The following BRIP1 variants were observed in gnomAD, a reference collection of about 807,000 sequenced individuals.
The protein encoded by BRIP1 is BRCA1 interacting DNA helicase 1, also known as Fanconi anemia group J protein.
Under a neutral mutation model 119.7 loss-of-function variants are expected in BRIP1, and 88 were observed. The observed-to-expected ratio is 0.74, with a 90% CI of 0.62 to 0.88. The LOEUF (loss-of-function observed/expected upper bound fraction) is 0.88. Ranked by LOEUF, BRIP1 falls within the 40% of genes least tolerant of loss-of-function variation. BRIP1 has a pLI of 0.00. For missense variants in BRIP1, 1,259 were observed against 1,455.4 expected, an observed-to-expected ratio of 0.87 and a Z score of 2.20; for synonymous variants, 443 against 496.5, an observed-to-expected ratio of 0.89 and a Z score of 1.43.
rs918105114 is a variant in BRIP1, at chr17:61,852,439, C to T, written c.380-3183G>A. 4.6e-5 allele frequency among the ~76,000 whole-genome samples: 7 copies of T among 151,892 alleles called. No homozygotes were observed. The highest frequency in any genetic ancestry group is 1.5e-4 in the African/African-American group (6 of 41,340). On this transcript the variant is annotated intron_variant, in intron 4 of 19. Coordinates refer to ENST00000259008, the MANE Select transcript of BRIP1 (RefSeq NM_032043.3). The surrounding 1 kb of genome is among the most constrained non-coding windows in gnomAD (Gnocchi z 4.9). ...ATTCAAGCACTTTGGGAGGCTGAGG[C>T]GAGTGATCATTTGAGGTCAGGAGTT... is the stretch of plus-strand genomic sequence containing the variant.
intron 13 of BRIP1, among the ~76,000 whole-genome samples, chr17:61,779,208 T>C (rs2077576986): frequency 6.6e-6 from 1 of 152,182 alleles, no homozygotes; most frequent in African/African-American, 2.4e-5. Context: ...GCTATTAATC[T>C]AGGCACAGAG....
chr17:61,717,433 G>C lies in BRIP1; in HGVS notation c.2380-1370C>G, dbSNP rs1298299421. Among the ~76,000 whole-genome samples the C allele has an allele frequency of 6.6e-6, 1 of 151,984 alleles. No individual in the cohort carries two copies. The highest frequency in any genetic ancestry group is 1.9e-4 in the East Asian group (1 of 5,198). On this transcript the variant is annotated intron_variant, in intron 16 of 19. Transcript: ENST00000259008. The surrounding 1 kb of genome is among the most constrained non-coding windows in gnomAD (Gnocchi z 4.1). ...AGTAGTGCACGTTTGCTAGCAATGAGTTCTTTCAACTTTTCTTTTTCTGAA... is the reference window on the plus strand; with the variant it reads ...AGTAGTGCACGTTTGCTAGCAATGACTTCTTTCAACTTTTCTTTTTCTGAA...
In BRIP1 at chr17:61,857,558, T is replaced by C. The variant is rs552015671; in HGVS notation, c.206-327A>G. ...GGCCAATATGGTAAAACCCTGTCTCTACTAAAAATACAAAAATTAGCCAGG... is the reference window on the plus strand; with the variant it reads ...GGCCAATATGGTAAAACCCTGTCTCCACTAAAAATACAAAAATTAGCCAGG... On this transcript the variant is annotated intron_variant, in intron 3 of 19. Coordinates refer to ENST00000259008, the MANE Select transcript of BRIP1 (RefSeq NM_032043.3). The surrounding 1 kb of genome is among the most constrained non-coding windows in gnomAD (Gnocchi z 5.1). 2.1e-4 allele frequency among the ~76,000 whole-genome samples: 32 copies of C among 152,260 alleles called. No individual in the cohort carries two copies. Among genetic ancestry groups the C allele is most frequent in the African/African-American group, 6.7e-4 (28 of 41,546 alleles).
rs1269723272 is a variant in BRIP1 at position 61,710,931 on chromosome 17, C to T, written c.2492+5020G>A. Reference sequence around the variant, plus strand: ...TAGTGCGTGCCTGTAATCTCAGCTACTCAAGAGGTTGAGGCAGGAGAATCG... The same window carrying T: ...TAGTGCGTGCCTGTAATCTCAGCTATTCAAGAGGTTGAGGCAGGAGAATCG... On this transcript the variant is annotated intron_variant, in intron 17 of 19. Transcript: ENST00000259008. The surrounding 1 kb of genome is among the most constrained non-coding windows in gnomAD (Gnocchi z 5.4). Among the ~76,000 whole-genome samples, 1 of 151,084 alleles carries T rather than the reference C, an allele frequency of 6.6e-6. No individual in the cohort carries two copies. The highest frequency in any genetic ancestry group is 1.5e-5 in the Non-Finnish European group (1 of 67,854).
At position 61,780,249 on chromosome 17, in the gene BRIP1, A is replaced by AT. The variant is rs2077593455; in HGVS notation, c.1935+11_1935+12insA. Reference sequence around the variant, plus strand: ...CACTGAAGGCCTTCCAAAAAAAAAAACAACAACTAACCTGTGAATTTTTAA... The same window carrying AT: ...CACTGAAGGCCTTCCAAAAAAAAAAATCAACAACTAACCTGTGAATTTTTAA... On this transcript the variant is annotated intron_variant, in intron 13 of 19. Transcript: ENST00000259008. This position sits in a 1 kb window ranked among gnomAD's most constrained non-coding sequence, Gnocchi z 5.4. 6.2e-7 allele frequency: 1 copy of AT among 1,609,706 alleles called. No individual in the cohort carries two copies. The highest frequency in any genetic ancestry group is 8.5e-7 in the Non-Finnish European group (1 of 1,177,738).
intron 14 of BRIP1, among the ~76,000 whole-genome samples, chr17:61,747,992 C>T (rs959333108): frequency 2.0e-5 from 3 of 151,616 alleles, no homozygotes; most frequent in Non-Finnish European, 4.4e-5. Flanking sequence ...CCTGCCTTGG[C>T]CTCCCAAAGT....
At position 61,861,846 on chromosome 17, in the gene BRIP1, T is replaced by C. The variant is rs565967693; in HGVS notation, c.-30-277A>G. The C allele has an allele frequency of 3.7e-5, 17 of 463,952 alleles. No individual in the cohort carries two copies. The highest frequency in any genetic ancestry group is 1.4e-4 in the Admixed American group (4 of 29,350). The allele number at this position is 463,952 out of a possible 1,614,324, so 28.7% of individuals were successfully genotyped here. On this transcript the variant is annotated intron_variant, in intron 1 of 19. Coordinates refer to ENST00000259008, the MANE Select transcript of BRIP1 (RefSeq NM_032043.3). This position sits in a 1 kb window ranked among gnomAD's most constrained non-coding sequence, Gnocchi z 4.5. Reference sequence around the variant, plus strand: ...CCTTCTCTAAGCCACAGTGACTGCATGTACCCCATAGGATTGTGGTAATGA... The same window carrying C: ...CCTTCTCTAAGCCACAGTGACTGCACGTACCCCATAGGATTGTGGTAATGA...
rs551265650 is a variant in BRIP1, at chr17:61,862,002, G to A, written c.-30-433C>T. On this transcript the variant is annotated intron_variant, in intron 1 of 19. Coordinates refer to ENST00000259008, the MANE Select transcript of BRIP1 (RefSeq NM_032043.3). The surrounding 1 kb of genome is among the most constrained non-coding windows in gnomAD (Gnocchi z 5.3). Reference sequence around the variant, plus strand: ...CTGAGGCCTCTCTCTCTACAACTCCGTAGCATCACTCTTTCTCCAGTTCTT... The same window carrying A: ...CTGAGGCCTCTCTCTCTACAACTCCATAGCATCACTCTTTCTCCAGTTCTT... 43 of 188,868 alleles carry A rather than the reference G, an allele frequency of 2.3e-4. 2 individuals are homozygous for A. The South Asian group carries it at 4.0e-3, about 18-fold the overall frequency. The allele number at this position is 188,868 out of a possible 1,614,324, so 11.7% of individuals were successfully genotyped here.
chr17:61,781,222 A>G (rs1405183743), intron 11 of BRIP1, among the ~76,000 whole-genome samples: 1 of 152,226 alleles, frequency 6.6e-6, no homozygotes, highest in Non-Finnish European at 1.5e-5. Context: ...AGGGAATATT[A>G]GAAATCATCT....
rs2077571725 is a variant in BRIP1 at position 61,778,742 on chromosome 17, A to G, written c.1935+1519T>C. Among the ~76,000 whole-genome samples, 1 of 152,156 alleles carries G rather than the reference A, an allele frequency of 6.6e-6. No homozygotes were observed. Among genetic ancestry groups the G allele is most frequent in the Admixed American group, 6.5e-5 (1 of 15,268 alleles). ...AACGTGGAACATGTATTCTTCCTTCACTGCTGTTCATAGTCACATTTCTCA... is the reference window on the plus strand; with the variant it reads ...AACGTGGAACATGTATTCTTCCTTCGCTGCTGTTCATAGTCACATTTCTCA... On this transcript the variant is annotated intron_variant, in intron 13 of 19. Transcript: ENST00000259008. The surrounding 1 kb of genome is among the most constrained non-coding windows in gnomAD (Gnocchi z 4.4).
chr17:61,783,066 C>T (rs571956027), intron 11 of BRIP1, among the ~76,000 whole-genome samples: 1 of 152,206 alleles, frequency 6.6e-6, no homozygotes, highest in African/African-American at 2.4e-5. Context: ...CCCAGAAGAA[C>T]TGAAAGCAGA....
rs1209271628 is a variant in BRIP1, at chr17:61,751,539, T to A, written c.2098-6948A>T. 6.6e-6 allele frequency among the ~76,000 whole-genome samples: 1 copy of A among 152,202 alleles called. No individual in the cohort carries two copies. Among genetic ancestry groups the A allele is most frequent in the Non-Finnish European group, 1.5e-5 (1 of 68,036 alleles). Reference sequence around the variant, plus strand: ...AAATTGAAAAGAACACACAAATGAATACTATTTAGTAACATAAATAAATGA... The same window carrying A: ...AAATTGAAAAGAACACACAAATGAAAACTATTTAGTAACATAAATAAATGA... On this transcript the variant is annotated intron_variant, in intron 14 of 19. Coordinates refer to ENST00000259008, the MANE Select transcript of BRIP1 (RefSeq NM_032043.3). The surrounding 1 kb of genome is among the most constrained non-coding windows in gnomAD (Gnocchi z 6.7).
intron 10 of BRIP1, among the ~76,000 whole-genome samples, chr17:61,786,760 T>A (rs1485820748): frequency 7.4e-6 from 1 of 134,862 alleles, no homozygotes; most frequent in Non-Finnish European, 1.6e-5. Context: ...TATTATATAT[T>A]TTATATATTA....
At position 61,852,758 on chromosome 17, in the gene BRIP1, CAG is replaced by C. The variant is rs1216558527; in HGVS notation, c.380-3504_380-3503del. Among the ~76,000 whole-genome samples, 1 of 152,068 alleles carries C rather than the reference CAG, an allele frequency of 6.6e-6. No individual in the cohort carries two copies. The highest frequency in any genetic ancestry group is 1.5e-5 in the Non-Finnish European group (1 of 68,004). On this transcript the variant is annotated intron_variant, in intron 4 of 19. Transcript: ENST00000259008. The surrounding 1 kb of genome is among the most constrained non-coding windows in gnomAD (Gnocchi z 4.9). ...ATGACCAATAAACATATGAAGTCACCAGAGAAATACTAACTAAAACCCAATGA... is the reference window on the plus strand; with the variant it reads ...ATGACCAATAAACATATGAAGTCACCAGAAATACTAACTAAAACCCAATGA...
chr17:61,750,116 A>T, intron 14 of BRIP1, among the ~76,000 whole-genome samples: 1 of 152,208 alleles, frequency 6.6e-6, no homozygotes, highest in Non-Finnish European at 1.5e-5. Flanking sequence ...TCTTAGAGGA[A>T]AACCTTTCAG....
Position 61,734,777 on chromosome 17 carries a change from G to C in BRIP1, c.2379+8236C>G, listed in dbSNP as rs2076895974. On this transcript the variant is annotated intron_variant, in intron 16 of 19. Coordinates refer to ENST00000259008, the MANE Select transcript of BRIP1 (RefSeq NM_032043.3). The surrounding 1 kb of genome is among the most constrained non-coding windows in gnomAD (Gnocchi z 5.2). ...AAGTCTTATGTTAGTATTTTAAACT[G>C]TATTTTAACTTTTACTTCCATAATC... is the stretch of plus-strand genomic sequence containing the variant. Among the ~76,000 whole-genome samples the C allele has an allele frequency of 6.6e-6, 1 of 152,142 alleles. No individual in the cohort carries two copies. Among genetic ancestry groups the C allele is most frequent in the South Asian group, 2.1e-4 (1 of 4,836 alleles).
chr17:61,778,145 G>A lies in BRIP1; in HGVS notation c.1936-1583C>T, dbSNP rs2077562292. ...CTTTAAAGAGGAAACTCTGGCACAT[G>A]CTACAACATAGATGATGAACTTTGA... On this transcript the variant is annotated intron_variant, in intron 13 of 19. Coordinates refer to ENST00000259008, the MANE Select transcript of BRIP1 (RefSeq NM_032043.3). This position sits in a 1 kb window ranked among gnomAD's most constrained non-coding sequence, Gnocchi z 4.4. Among the ~76,000 whole-genome samples, 1 of 152,180 alleles carries A rather than the reference G, an allele frequency of 6.6e-6. No individual in the cohort carries two copies. The highest frequency in any genetic ancestry group is 1.5e-5 in the Non-Finnish European group (1 of 68,038).
chr17:61,716,788 C>T (rs2061876626), intron 16 of BRIP1, among the ~76,000 whole-genome samples: 1 of 145,956 alleles, frequency 6.9e-6, no homozygotes, highest in Non-Finnish European at 1.5e-5. Flanking sequence ...CATATTATTT[C>T]CACTACTGGA....
intron 14 of BRIP1, among the ~76,000 whole-genome samples, chr17:61,765,394 TATATATATATATATATA>T (rs2077345240): frequency 1.3e-4 from 2 of 15,886 alleles, no homozygotes; most frequent in African/African-American, 2.2e-4. Flanking sequence ...TATATATATA[TATATATATATATATATA>T]TATATATATA....
Sources: allele counts gnomAD v4.1 joint callset (sites outside exome capture counted in the v4.1 genomes callset), GRCh38; gene constraint gnomAD v4.1.1; non-coding constraint Gnocchi (gnomAD v3.1); transcripts MANE v1.5; gene names NCBI Gene and HGNC (gene_info 2026-07-23, HGNC 2026-07-21).